ROR1: variants seen among roughly 807,000 people sequenced by gnomAD.
ROR1 encodes the protein inactive tyrosine-protein kinase transmembrane receptor ROR1.
Under a neutral mutation model 78.8 loss-of-function variants are expected in ROR1, and 19 were observed. The observed-to-expected ratio is 0.24, with a 90% confidence interval of 0.17 to 0.35. The LOEUF is 0.35. Among genes scored for constraint, ROR1 ranks in the 10% least tolerant of loss-of-function variants. The probability of loss-of-function intolerance (pLI) is 1.00; values close to 1 mark genes in which losing one functional copy is unlikely to be tolerated. For missense variants in ROR1, 917 were observed against 1,177.8 expected (o/e 0.78, Z 3.24); for synonymous variants, 386 against 433.6 (o/e 0.89, Z 1.36).
chr1:64,077,622 A>G (rs1165820939), intron 4 of ROR1, among the ~76,000 whole-genome samples: 1 of 152,250 alleles, frequency 6.6e-6, no homozygotes, highest in Non-Finnish European at 1.5e-5. Context: ...CTGGCCCACA[A>G]AGGACAGACA....
chr1:63,821,703 T>C (rs577507332), intron 1 of ROR1, among the ~76,000 whole-genome samples: 1 of 152,152 alleles, frequency 6.6e-6, no homozygotes, highest in East Asian at 1.9e-4. Flanking sequence ...GCGTTTGCAG[T>C]TATGAGGAAA....
intron 1 of ROR1, among the ~76,000 whole-genome samples, chr1:63,825,593 T>C (rs116533014): frequency 6.6e-6 from 1 of 152,216 alleles, no homozygotes; most frequent in African/African-American, 2.4e-5. Context: ...AAAAGTCGAA[T>C]GTGGTGATTG....
In ROR1 at chr1:64,049,840, C is replaced by A; in HGVS notation, c.313C>A (p.Leu105Ile). Reference sequence around the variant, plus strand: ...TCCTGTGGTCCAGGAGCCCCGGAGGCTCTCCTTTCGGTCCACCATCTATGG... The same window carrying A: ...TCCTGTGGTCCAGGAGCCCCGGAGGATCTCCTTTCGGTCCACCATCTATGG... The part of the protein sequence containing the change: ...DAPVVQEPRR[L>I]SFRSTIYGSR... Residue 105 changes from leucine (L) to isoleucine (I), a missense_variant, in exon 3 of 9, where the codon CTC (leucine) becomes ATC (isoleucine). Leu to Ile is a conservative substitution (Grantham distance 5). This residue lies in a region of ROR1 where 835 missense variants were observed against 1,069.8 expected (regional missense o/e 0.78). Coordinates refer to ENST00000371079, the MANE Select transcript of ROR1 (RefSeq NM_005012.4). The A allele has an allele frequency of 6.2e-7, 1 of 1,614,102 alleles. No individual in the cohort carries two copies. The highest frequency in any genetic ancestry group is 1.1e-5 in the South Asian group (1 of 91,090).
chr1:64,003,763 G>C (rs936725517), intron 1 of ROR1, among the ~76,000 whole-genome samples: 7 of 152,158 alleles, frequency 4.6e-5, no homozygotes, highest in Admixed American at 3.9e-4. Context: ...CCAAACAGGC[G>C]CCTTTGGTTG....
chr1:64,137,816 G>A (rs1433797950), intron 5 of ROR1, among the ~76,000 whole-genome samples: 3 of 152,196 alleles, frequency 2.0e-5, no homozygotes, highest in Non-Finnish European at 4.4e-5. Context: ...AGCCAGGTAC[G>A]TCTCTGCCCT....
intron 4 of ROR1, among the ~76,000 whole-genome samples, chr1:64,054,450 T>C (rs568276351): frequency 4.5e-4 from 68 of 152,314 alleles, no homozygotes; most frequent in African/African-American, 1.6e-3. Flanking sequence ...TTGTAATTCT[T>C]ACACTGTAAA....
At chr1:64,029,974 C>G (rs1336738388) in intron 2 of ROR1, among the ~76,000 whole-genome samples, 1 of 152,134 alleles carries the variant, frequency 6.6e-6, no homozygotes, top group Non-Finnish European at 1.5e-5. Context: ...TCCCATGAAG[C>G]CTTCTCTGGT....
chr1:63,819,276 C>T (rs1420184982), intron 1 of ROR1, among the ~76,000 whole-genome samples: 1 of 152,140 alleles, frequency 6.6e-6, no homozygotes, highest in Non-Finnish European at 1.5e-5. Flanking sequence ...TCATCTATGG[C>T]CTCCTTAGAC....
intron 1 of ROR1, among the ~76,000 whole-genome samples, chr1:63,985,229 T>G (rs1041487374): frequency 1.3e-5 from 2 of 152,156 alleles, no homozygotes; most frequent in African/African-American, 4.8e-5. Flanking sequence ...ACGAAGCTTG[T>G]GAAAAGTACG....
rs10709706 is a variant in ROR1, at chr1:64,179,024, G to GAAAAAAAAAAAAA, written c.*179_*191dup. 1.9e-4 allele frequency: 29 copies of GAAAAAAAAAAAAA among 152,150 alleles called. No individual in the cohort carries two copies. Among genetic ancestry groups the GAAAAAAAAAAAAA allele is most frequent in the Non-Finnish European group, 2.2e-4 (19 of 85,048 alleles). 9.4% of individuals were successfully genotyped at this position (152,150 alleles called of 1,614,324 possible). ...ACCAAGCAGGACAGACACTCGGCCA[G>GAAAAAAAAAAAAA]AAAAAAAAAAAAAAAAAAAAAACAA... On this transcript the variant is annotated 3_prime_UTR_variant, in exon 9 of 9. Coordinates refer to ENST00000371079, the MANE Select transcript of ROR1 (RefSeq NM_005012.4).
chr1:63,891,809 C>T (rs1645398843), intron 1 of ROR1, among the ~76,000 whole-genome samples: 1 of 152,210 alleles, frequency 6.6e-6, no homozygotes, highest in South Asian at 2.1e-4. Context: ...CTGGGACTTA[C>T]ACCTGTGCTA....
intron 1 of ROR1, among the ~76,000 whole-genome samples, chr1:63,823,557 T>C (rs1413695512): frequency 2.0e-5 from 3 of 150,716 alleles, no homozygotes; most frequent in Non-Finnish European, 3.0e-5. Flanking sequence ...CCAAGTGATC[T>C]TCCTGCCTCA....
chr1:63,860,701 G>A (rs970909188), intron 1 of ROR1, among the ~76,000 whole-genome samples: 1 of 150,678 alleles, frequency 6.6e-6, no homozygotes, highest in South Asian at 2.1e-4. Flanking sequence ...CCTGGGAGGT[G>A]GAGGTTGCAG....
At chr1:64,013,857 C>T (rs542536377) in intron 2 of ROR1, among the ~76,000 whole-genome samples, 2 of 152,252 alleles carry the variant, frequency 1.3e-5, no homozygotes, top group African/African-American at 2.4e-5. Context: ...TAACACCATG[C>T]AGTAGGTAAC....
intron 1 of ROR1, among the ~76,000 whole-genome samples, chr1:63,871,516 C>G (rs561925623): frequency 6.6e-6 from 1 of 152,248 alleles, no homozygotes; most frequent in East Asian, 1.9e-4. Flanking sequence ...GTCATGTTTA[C>G]CAGTTTGTAG....
At chr1:64,023,223 G>C (rs182901286) in intron 2 of ROR1, among the ~76,000 whole-genome samples, 1 of 152,134 alleles carries the variant, frequency 6.6e-6, no homozygotes, top group Non-Finnish European at 1.5e-5. Flanking sequence ...ATCCTGCATC[G>C]AGTCAGAGGA....
intron 1 of ROR1, among the ~76,000 whole-genome samples, chr1:63,884,450 A>C (rs2100379433): frequency 6.6e-6 from 1 of 152,266 alleles, no homozygotes; most frequent in East Asian, 1.9e-4. Context: ...AGAGGTCATC[A>C]AGCCTGACCC....
intron 1 of ROR1, among the ~76,000 whole-genome samples, chr1:63,806,479 T>C (rs993085416): frequency 6.6e-6 from 1 of 151,940 alleles, no homozygotes. Context: ...CACCACGCCC[T>C]GCTAATTGTT....
intron 1 of ROR1, among the ~76,000 whole-genome samples, chr1:63,923,808 G>A (rs547358029): frequency 5.3e-5 from 8 of 151,678 alleles, no homozygotes; most frequent in Non-Finnish European, 1.0e-4. Flanking sequence ...ACCTGCTGTG[G>A]TCCCTGCCCA....
Sources: allele counts gnomAD v4.1 joint callset (sites outside exome capture counted in the v4.1 genomes callset), GRCh38; gene constraint gnomAD v4.1.1; regional missense constraint gnomAD v4.1.1; transcripts MANE v1.5; gene names NCBI Gene and HGNC (gene_info 2026-07-23, HGNC 2026-07-21).